Variants in FTCDNL1 observed in about 807,000 individuals in gnomAD.
FTCDNL1 encodes formiminotransferase N-terminal subdomain-containing protein.
A neutral mutation model predicts 5.9 loss-of-function variants in FTCDNL1; 11 were observed. That is an observed-to-expected ratio of 1.87 (90% CI 1.18 to 3.10). The LOEUF (loss-of-function observed/expected upper bound fraction) is 3.10. Among genes scored for constraint, FTCDNL1 ranks in the 30% most tolerant of loss-of-function variants. The pLI is 0.00. For missense variants in FTCDNL1, 115 were observed against 65.5 expected (o/e 1.76, Z -2.61); for synonymous variants, 58 against 24.8 (o/e 2.34, Z -3.99).
At chr2:199,717,509 A>ATTTTTT in the FTCDNL1 span, among the ~76,000 whole-genome samples, 18 of 57,688 alleles carry the variant, frequency 3.1e-4, no homozygotes, top group African/African-American at 5.8e-4. Flanking sequence ...CAAGGCAGAG[A>ATTTTTT]TTTTTTTTTT....
At chr2:199,704,838 T>G in the FTCDNL1 span, among the ~76,000 whole-genome samples, 1 of 152,010 alleles carries the variant, frequency 6.6e-6, no homozygotes, top group African/African-American at 2.4e-5. Context: ...CCACCCCAAA[T>G]TGTAAACCAG....
At chr2:199,707,665 T>C in the FTCDNL1 span, among the ~76,000 whole-genome samples, 2 of 152,052 alleles carry the variant, frequency 1.3e-5, no homozygotes, top group African/African-American at 4.8e-5. Flanking sequence ...TCTCAGCTTT[T>C]GTTTAATTCA....
Position 199,812,022 on chromosome 2 carries a change from T to C in FTCDNL1, c.*683A>G, listed in dbSNP as rs1226536640. 6.6e-6 allele frequency among the ~76,000 whole-genome samples: 1 copy of C among 152,250 alleles called. No individual in the cohort carries two copies. On this transcript the variant is annotated 3_prime_UTR_variant, in exon 5 of 5. Coordinates refer to ENST00000420128, the MANE Select transcript of FTCDNL1 (RefSeq NM_001363886.2). ...ATCAGAAATAACTTTCATATGCTTT[T>C]AAATAAAATAAGAGGTAATCACTTA...
At chr2:199,742,229 A>G in the FTCDNL1 span, among the ~76,000 whole-genome samples, 1 of 151,628 alleles carries the variant, frequency 6.6e-6, no homozygotes, top group Non-Finnish European at 1.5e-5. Context: ...AGACTCCCCC[A>G]CTACCCCCAA....
intron 2 of FTCDNL1, among the ~76,000 whole-genome samples, chr2:199,848,320 T>C (rs1457147892): frequency 6.6e-6 from 1 of 152,248 alleles, no homozygotes; most frequent in Non-Finnish European, 1.5e-5. Context: ...ATCATTTAAA[T>C]GCACTTGCCT....
chr2:199,841,522 T>C (rs2076587868), intron 3 of FTCDNL1, among the ~76,000 whole-genome samples: 1 of 152,170 alleles, frequency 6.6e-6, no homozygotes, highest in Non-Finnish European at 1.5e-5. Context: ...CCTCAATATA[T>C]TTATATCAAA....
chr2:199,812,464 GA>G lies in FTCDNL1; in HGVS notation c.*240del, dbSNP rs771472289. 2.3e-6 allele frequency: 1 copy of G among 430,412 alleles called. No homozygotes were observed. Among genetic ancestry groups the G allele is most frequent in the Non-Finnish European group, 4.1e-6 (1 of 245,138 alleles). The allele number at this position is 430,412 out of a possible 1,614,324, so 26.7% of individuals were successfully genotyped here. On this transcript the variant is annotated 3_prime_UTR_variant, in exon 5 of 5. Transcript: ENST00000420128. The stretch of plus-strand genomic sequence containing the variant: ...TTTTATGTTAATTTAAACCTACTAA[GA>G]AGGTATTTTAAATGAGAGAGATAAT...
chr2:199,768,348 T>C (rs1379124606), intron 3 of FTCDNL1, among the ~76,000 whole-genome samples: 8 of 152,170 alleles, frequency 5.3e-5, no homozygotes, highest in Non-Finnish European at 1.2e-4. Flanking sequence ...GAGTTATTAC[T>C]AGATTAAAGG....
intron 3 of FTCDNL1, among the ~76,000 whole-genome samples, chr2:199,764,877 CT>C (rs1374167221): frequency 6.6e-6 from 1 of 152,198 alleles, no homozygotes; most frequent in Non-Finnish European, 1.5e-5. Flanking sequence ...CCTACTCCCC[CT>C]GACCCAGGCA....
intron 3 of FTCDNL1, among the ~76,000 whole-genome samples, chr2:199,832,742 G>A (rs1489872329): frequency 1.3e-5 from 2 of 152,032 alleles, no homozygotes. Context: ...CCTCCACAAG[G>A]CAATGGAGAA....
the FTCDNL1 span, among the ~76,000 whole-genome samples, chr2:199,716,033 TAAAAAAA>T: frequency 6.4e-5 from 7 of 108,960 alleles, no homozygotes; most frequent in African/African-American, 2.3e-4. Context: ...TGCCTCTAGT[TAAAAAAA>T]AAAAAAAAAA....
At chr2:199,794,904 A>C (rs148546916) in intron 3 of FTCDNL1, among the ~76,000 whole-genome samples, 367 of 152,154 alleles carry the variant, frequency 2.4e-3, no homozygotes, top group Non-Finnish European at 4.1e-3. Context: ...ATTACTACTA[A>C]TAATAATAAC....
At chr2:199,672,793 C>T in the FTCDNL1 span, among the ~76,000 whole-genome samples, 7 of 152,034 alleles carry the variant, frequency 4.6e-5, no homozygotes, top group African/African-American at 9.7e-5. Context: ...AAAGGCACAT[C>T]TCCTAAGAGA....
downstream of FTCDNL1, among the ~76,000 whole-genome samples, chr2:199,804,865 A>C (rs1304496856): frequency 6.6e-6 from 1 of 152,230 alleles, no homozygotes; most frequent in African/African-American, 2.4e-5. Context: ...AATTGTCAAC[A>C]GTTGTTGAAC....
chr2:199,748,752 G>A, the FTCDNL1 span, among the ~76,000 whole-genome samples: 1 of 152,192 alleles, frequency 6.6e-6, no homozygotes, highest in African/African-American at 2.4e-5. Flanking sequence ...TGGAGGGAAG[G>A]GAATTTACTA....
At chr2:199,697,559 C>A in the FTCDNL1 span, among the ~76,000 whole-genome samples, 1 of 152,126 alleles carries the variant, frequency 6.6e-6, no homozygotes, top group African/African-American at 2.4e-5. Flanking sequence ...AAAGCAAAAT[C>A]CTTTCCAGAC....
At chr2:199,848,051 G>T (rs1161653553) in intron 2 of FTCDNL1, among the ~76,000 whole-genome samples, 2 of 152,186 alleles carry the variant, frequency 1.3e-5, no homozygotes, top group African/African-American at 4.8e-5. Context: ...AAATGCTTTA[G>T]GGTTGGTTTC....
the FTCDNL1 span, among the ~76,000 whole-genome samples, chr2:199,669,584 CTT>C: frequency 1.3e-5 from 2 of 152,182 alleles, no homozygotes; most frequent in African/African-American, 4.8e-5. Context: ...TGTGCGTCCT[CTT>C]ATATTTCAAG....
chr2:199,760,206 T>TAA (rs201486197), downstream of FTCDNL1, among the ~76,000 whole-genome samples: 4 of 131,250 alleles, frequency 3.0e-5, no homozygotes, highest in East Asian at 2.2e-4. Context: ...AAATCAGAAC[T>TAA]AAAAAAAAAA....
Sources: gnomAD v4.1 joint callset for allele counts (sites outside exome capture counted in the v4.1 genomes callset) on GRCh38, gnomAD v4.1.1 for gene constraint, MANE v1.5 for transcripts, NCBI Gene and HGNC (gene_info 2026-07-23, HGNC 2026-07-21) for gene names.